GLCE: variants seen among roughly 807,000 people sequenced by gnomAD.
GLCE encodes the protein D-glucuronyl C5-epimerase.
A neutral mutation model predicts 47.9 loss-of-function variants in GLCE; 19 were observed. The ratio of observed to expected loss-of-function variants is 0.40; its 90% CI spans 0.28 to 0.58. GLCE has a LOEUF of 0.58. Ranked by LOEUF, GLCE falls within the 20% of genes least tolerant of loss-of-function variation. The pLI, the probability that GLCE is intolerant of heterozygous loss-of-function variation, is 0.48. For missense variants in GLCE, 556 were observed against 743.3 expected, an observed-to-expected ratio of 0.75 and a Z score of 2.93; for synonymous variants, 245 against 263.4, an observed-to-expected ratio of 0.93 and a Z score of 0.68.
intron 2 of GLCE, among the ~76,000 whole-genome samples, chr15:69,226,582 T>C (rs1265597312): frequency 1.3e-5 from 2 of 152,150 alleles, no homozygotes; most frequent in Admixed American, 6.5e-5. Flanking sequence ...GGAAAGCTTA[T>C]ACTAAAATGG....
intron 1 of GLCE, among the ~76,000 whole-genome samples, chr15:69,199,513 A>G (rs1289280383): frequency 6.6e-6 from 1 of 152,196 alleles, no homozygotes; most frequent in South Asian, 2.1e-4. Flanking sequence ...ATTTTTTTGC[A>G]TAGTTTACAT....
At chr15:69,261,044 A>C (rs372095938) in intron 3 of GLCE, 43 bp from the exon 4 acceptor site, 2 of 1,570,114 alleles carry the variant, frequency 1.3e-6, no homozygotes, top group Non-Finnish European at 1.7e-6. Flanking sequence ...ATAGGCTTGT[A>C]ATGTCTGGAT....
intron 1 of GLCE, among the ~76,000 whole-genome samples, chr15:69,183,944 T>G (rs1325236024): frequency 1.3e-5 from 2 of 152,144 alleles, no homozygotes; most frequent in Non-Finnish European, 2.9e-5. Context: ...TGACTTTAAC[T>G]AGTAGAACCA....
intron 4 of GLCE, among the ~76,000 whole-genome samples, chr15:69,267,905 C>G (rs1408775088): frequency 2.7e-5 from 4 of 146,306 alleles, no homozygotes. Flanking sequence ...TACTGATCAG[C>G]TAGTACTAGA....
intron 2 of GLCE, among the ~76,000 whole-genome samples, chr15:69,215,033 G>A (rs979626247): frequency 5.3e-5 from 8 of 152,036 alleles, no homozygotes; most frequent in African/African-American, 1.9e-4. Context: ...GATTCATTTT[G>A]TCACAGTTCA....
chr15:69,211,758 A>G (rs1011215816), intron 2 of GLCE, among the ~76,000 whole-genome samples: 1 of 151,984 alleles, frequency 6.6e-6, no homozygotes, highest in South Asian at 2.1e-4. Flanking sequence ...GCTATTTCCC[A>G]TGTAATTTTA....
intron 2 of GLCE, among the ~76,000 whole-genome samples, chr15:69,245,963 A>G (rs1290614819): frequency 6.6e-6 from 1 of 152,100 alleles, no homozygotes; most frequent in African/African-American, 2.4e-5. Context: ...TCCTTACCTC[A>G]GGTAATCTGC....
At chr15:69,175,599 A>AT (rs1369084598) in intron 1 of GLCE, among the ~76,000 whole-genome samples, 1 of 152,170 alleles carries the variant, frequency 6.6e-6, no homozygotes, top group African/African-American at 2.4e-5. Context: ...CATCAGCTTC[A>AT]TTTTCTATAT....
chr15:69,232,863 A>G (rs1428705265), intron 2 of GLCE, among the ~76,000 whole-genome samples: 1 of 152,238 alleles, frequency 6.6e-6, no homozygotes, highest in Admixed American at 6.5e-5. Flanking sequence ...GACCTGTAAG[A>G]CATTTATCCT....
chr15:69,252,121 C>T (rs911874154), intron 2 of GLCE, among the ~76,000 whole-genome samples: 2 of 152,106 alleles, frequency 1.3e-5, no homozygotes, highest in African/African-American at 4.8e-5. Context: ...ACAATAAAAC[C>T]TGGACATAAG....
chr15:69,247,314 C>T (rs762489868), intron 2 of GLCE, among the ~76,000 whole-genome samples: 5 of 152,214 alleles, frequency 3.3e-5, no homozygotes, highest in Non-Finnish European at 7.3e-5. Context: ...ATAAACCAGC[C>T]TCTGCTAGCT....
intron 2 of GLCE, among the ~76,000 whole-genome samples, chr15:69,228,155 T>A (rs559534933): frequency 7.9e-5 from 12 of 152,314 alleles, no homozygotes; most frequent in African/African-American, 2.9e-4. Context: ...ACATTTTTAT[T>A]TTCTATGTAT....
Position 69,219,002 on chromosome 15 carries a change from C to T in GLCE, c.-14+8596C>T, listed in dbSNP as rs75959867. On this transcript the variant is annotated intron_variant, in intron 2 of 4. Coordinates refer to ENST00000261858, the MANE Select transcript of GLCE (RefSeq NM_015554.3). The stretch of plus-strand genomic sequence containing the variant: ...TTTTAAACTGTTTTGTCAATAAACT[C>T]ATTTTATTGTAGATCAGTAAATTCT... Among the ~76,000 whole-genome samples the T allele has an allele frequency of 1.0e-2, 1,521 of 152,132 alleles. 24 individuals carry two copies. Among genetic ancestry groups the T allele is most frequent in the African/African-American group, 0.032 (1,344 of 41,522 alleles).
intron 2 of GLCE, among the ~76,000 whole-genome samples, chr15:69,237,735 C>A (rs1187010661): frequency 6.6e-6 from 1 of 152,190 alleles, no homozygotes; most frequent in South Asian, 2.1e-4. Context: ...TTTAGACATT[C>A]CAGTTTGCAG....
At chr15:69,244,260 A>C (rs1332101743) in intron 2 of GLCE, among the ~76,000 whole-genome samples, 2 of 152,196 alleles carry the variant, frequency 1.3e-5, no homozygotes, top group African/African-American at 4.8e-5. Flanking sequence ...TAACATTCAC[A>C]ATCATGACTC....
intron 2 of GLCE, among the ~76,000 whole-genome samples, chr15:69,216,118 A>G (rs1258039240): frequency 6.6e-6 from 1 of 152,204 alleles, no homozygotes; most frequent in Non-Finnish European, 1.5e-5. Context: ...TGTTGTCTAA[A>G]GCTAGATTGC....
intron 2 of GLCE, among the ~76,000 whole-genome samples, chr15:69,238,287 C>T (rs1407898085): frequency 1.3e-5 from 2 of 152,066 alleles, no homozygotes; most frequent in Admixed American, 1.3e-4. Flanking sequence ...GACTTGGAGC[C>T]ATAATATGAT....
At position 69,256,411 on chromosome 15, in the gene GLCE, C is replaced by T; in HGVS notation, c.586+19C>T. On this transcript the variant is annotated intron_variant, in intron 3 of 4. Transcript: ENST00000261858. ...GTTGAAGGTTGGTATCTGTCTGCTT[C>T]ACTTGCATTTTTCAAGCATGATTGT... The T allele has an allele frequency of 6.6e-7, 1 of 1,503,888 alleles. No individual in the cohort carries two copies. Among genetic ancestry groups the T allele is most frequent in the African/African-American group, 1.4e-5 (1 of 72,658 alleles). The allele number at this position is 1,503,888 out of a possible 1,614,324, so 93.2% of individuals were successfully genotyped here.
At chr15:69,231,402 G>A (rs1255765333) in intron 2 of GLCE, among the ~76,000 whole-genome samples, 1 of 151,650 alleles carries the variant, frequency 6.6e-6, no homozygotes, top group Admixed American at 6.6e-5. Flanking sequence ...TCCTGCCTCA[G>A]CCTCCCAAGT....
Sources: allele counts gnomAD v4.1 joint callset (sites outside exome capture counted in the v4.1 genomes callset), GRCh38; gene constraint gnomAD v4.1.1; transcripts MANE v1.5; gene names NCBI Gene and HGNC (gene_info 2026-07-23, HGNC 2026-07-21).